The following FMO1 variants were observed in gnomAD, a reference collection of about 807,000 sequenced individuals.
The protein encoded by FMO1 is flavin containing dimethylaniline monoxygenase 1, also known as flavin-containing monooxygenase 1.
FMO1 carries 36 observed loss-of-function variants against 45.4 expected under a neutral mutation model. The observed-to-expected ratio is 0.79, with a 90% CI of 0.61 to 1.05. The LOEUF (loss-of-function observed/expected upper bound fraction) is 1.05. FMO1 is among the 50% of genes least tolerant of loss of function. FMO1 has a pLI of 0.00. For missense variants in FMO1, 615 were observed against 640.3 expected (o/e 0.96, Z 0.43); for synonymous variants, 228 against 227.2 (o/e 1.00, Z -0.03).
At position 171,285,768 on chromosome 1, in the gene FMO1, G is replaced by C. The variant is rs1438786311; in HGVS notation, c.*224G>C. 1 of 359,338 alleles carries C rather than the reference G, an allele frequency of 2.8e-6. No individual in the cohort carries two copies. The highest frequency in any genetic ancestry group is 4.9e-6 in the Non-Finnish European group (1 of 202,480). The allele number at this position is 359,338 out of a possible 1,614,324, so 22.3% of individuals were successfully genotyped here. A position where few individuals can be genotyped will look rare whatever the true frequency, so the allele number is the denominator to read the frequency against. On this transcript the variant is annotated 3_prime_UTR_variant, in exon 9 of 9. Transcript: ENST00000617670. The stretch of plus-strand genomic sequence containing the variant: ...AACTAAGACTTCTGTGCATTTGAAG[G>C]TTGTTGGAAAGTTACAGGTTCATTT...
In FMO1 at chr1:171,280,809, G is replaced by C. The variant is rs751081348; in HGVS notation, c.651G>C (p.Gly217=). The C allele has an allele frequency of 1.2e-6, 2 of 1,613,008 alleles. No homozygotes were observed. The highest frequency in any genetic ancestry group is 8.5e-7 in the Non-Finnish European group (1 of 1,179,770). The change falls in exon 6 of 9, where the codon GGG becomes GGC. Residue 217 remains glycine, a synonymous_variant. Coordinates refer to ENST00000617670, the MANE Select transcript of FMO1 (RefSeq NM_001282693.2). ...AGGTGTTCCTCAGCACCACCGGAGG[G>C]GGATGGGTGATCAGCCGAATCTTTG... is the stretch of plus-strand genomic sequence containing the variant. The part of the protein sequence containing the change: ...AEKVFLSTTG[G]GWVISRIFDS...
chr1:171,253,578 A>G (rs939683915), intron 1 of FMO1, among the ~76,000 whole-genome samples: 2 of 152,122 alleles, frequency 1.3e-5, no homozygotes, highest in Non-Finnish European at 2.9e-5. Context: ...CCTAACCGAC[A>G]TGGAGAAACC....
chr1:171,251,730 T>TAC (rs1262591413), intron 1 of FMO1: 4 of 150,856 alleles, frequency 2.7e-5, no homozygotes, highest in African/African-American at 9.7e-5. Context: ...CCCAGGTGCT[T>TAC]ACAGGCTCCC....
chr1:171,259,498 A>G (rs1660294486), intron 2 of FMO1, among the ~76,000 whole-genome samples: 1 of 152,222 alleles, frequency 6.6e-6, no homozygotes, highest in Admixed American at 6.5e-5. Flanking sequence ...ATTATCAAAC[A>G]TGATGCCTTT....
At chr1:171,250,729 T>C (rs545952624) in intron 1 of FMO1, among the ~76,000 whole-genome samples, 2 of 152,338 alleles carry the variant, frequency 1.3e-5, no homozygotes, top group East Asian at 1.9e-4. Context: ...TTTTTTTCAC[T>C]CAATTTTCAC....
rs573268058 is a variant in FMO1 at position 171,271,517 on chromosome 1, C to T, written c.321+3786C>T. 3 of 884,658 alleles carry T rather than the reference C, an allele frequency of 3.4e-6. No individual in the cohort carries two copies. In the East Asian group the frequency reaches 7.2e-5, roughly 21 times the overall value. 54.8% of individuals were successfully genotyped at this position (884,658 alleles called of 1,614,324 possible). ...CTGGGTGCTGCTTCTTATGCTCTTC[C>T]CGACAAGTTTGCACAAAAAATGCAT... On this transcript the variant is annotated intron_variant, in intron 3 of 8. Transcript: ENST00000617670.
At chr1:171,269,609 C>A (rs1346601927) in intron 3 of FMO1, among the ~76,000 whole-genome samples, 1 of 152,120 alleles carries the variant, frequency 6.6e-6, no homozygotes, top group Non-Finnish European at 1.5e-5. Flanking sequence ...TGTAAAATTA[C>A]AATAACACTA....
At chr1:171,273,152 A>C (rs537591497) in intron 3 of FMO1, among the ~76,000 whole-genome samples, 1 of 152,286 alleles carries the variant, frequency 6.6e-6, no homozygotes, top group Admixed American at 6.5e-5. Context: ...TCCCTGCACA[A>C]GCTCTCTTTT....
chr1:171,262,554 A>G (rs552958256), intron 2 of FMO1, among the ~76,000 whole-genome samples: 35 of 152,340 alleles, frequency 2.3e-4, no homozygotes, highest in African/African-American at 7.2e-4. Flanking sequence ...TGCCTTACAT[A>G]CCACATTTTT....
chr1:171,275,496 G>A lies in FMO1; in HGVS notation c.472G>A (p.Asp158Asn), dbSNP rs1478230173. 2 of 1,609,548 alleles carry A rather than the reference G, an allele frequency of 1.2e-6. No homozygotes were observed. The highest frequency in any genetic ancestry group is 1.7e-6 in the Non-Finnish European group (2 of 1,177,958). Residue 158 changes from aspartate to asparagine, a missense_variant, in exon 4 of 9, where the codon GAT becomes AAT. Coordinates refer to ENST00000617670, the MANE Select transcript of FMO1 (RefSeq NM_001282693.2). ...GFLTNPYLPL[D>N]SFPGINAFKG... The stretch of plus-strand genomic sequence containing the variant: ...TCTTACTAATCCTTATTTGCCACTG[G>A]ATTCCTTTCCAGGTACAGCATTTTC...
intron 2 of FMO1, among the ~76,000 whole-genome samples, chr1:171,266,107 G>T (rs933777498): frequency 5.3e-5 from 8 of 152,048 alleles, no homozygotes; most frequent in African/African-American, 1.9e-4. Context: ...ATGCACTTTT[G>T]GATAACAGTT....
rs375656810 is a variant in FMO1 at position 171,257,986 on chromosome 1, G to A, written c.-6-96G>A. 4.3e-5 allele frequency: 60 copies of A among 1,409,758 alleles called. No individual in the cohort carries two copies. In the African/African-American group the frequency reaches 5.7e-4, roughly 13 times the overall value. 87.3% of individuals were successfully genotyped at this position (1,409,758 alleles called of 1,614,324 possible). A position where few individuals can be genotyped will look rare whatever the true frequency, so the allele number is the denominator to read the frequency against. On this transcript the variant is annotated intron_variant, in intron 1 of 8. Coordinates refer to ENST00000617670, the MANE Select transcript of FMO1 (RefSeq NM_001282693.2). ...ACAGAAGATTCAAACTGAGCAAATC[G>A]CCTAATCTTCCAAATTCTTTTTCCT...
chr1:171,248,884 C>T (rs1659748084), intron 1 of FMO1, among the ~76,000 whole-genome samples: 1 of 150,894 alleles, frequency 6.6e-6, no homozygotes, highest in Non-Finnish European at 1.5e-5. Context: ...CTTCCATGTA[C>T]ACAGGTAAGT....
rs144787685 is a variant in FMO1 at position 171,265,905 on chromosome 1, A to T, written c.133-1638A>T. Among the ~76,000 whole-genome samples the T allele has an allele frequency of 4.5e-3, 692 of 152,344 alleles. 2 individuals carry two copies. The highest frequency in any genetic ancestry group is 6.5e-3 in the Non-Finnish European group (440 of 68,026). ...GGCTCACAGAGGTATGTTGATTGAAATGAGGAAGAGATTTTTAAACCAGTC... is the reference window on the plus strand; with the variant it reads ...GGCTCACAGAGGTATGTTGATTGAATTGAGGAAGAGATTTTTAAACCAGTC... On this transcript the variant is annotated intron_variant, in intron 2 of 8. Transcript: ENST00000617670.
At chr1:171,278,226 G>A (rs1661188281) in intron 4 of FMO1, among the ~76,000 whole-genome samples, 1 of 152,110 alleles carries the variant, frequency 6.6e-6, no homozygotes, top group Non-Finnish European at 1.5e-5. Context: ...GAAACTTTGT[G>A]AATAGGGACA....
chr1:171,250,853 T>G (rs1449363829), intron 1 of FMO1, among the ~76,000 whole-genome samples: 1 of 152,170 alleles, frequency 6.6e-6, no homozygotes, highest in Admixed American at 6.5e-5. Flanking sequence ...AATAATAAAT[T>G]TATCTTAAAA....
At position 171,285,569 on chromosome 1, in the gene FMO1, T is replaced by G. The variant is rs773845176; in HGVS notation, c.*25T>G. On this transcript the variant is annotated 3_prime_UTR_variant, in exon 9 of 9. Transcript: ENST00000617670. ...AGTAAAAGATCTCCTAAATGGAAGA[T>G]GCACAGAGTAGATTTACAATGCTCC... The G allele has an allele frequency of 1.5e-6, 2 of 1,324,596 alleles. No homozygotes were observed. Among genetic ancestry groups the G allele is most frequent in the Non-Finnish European group, 2.1e-6 (2 of 963,940 alleles). The allele number at this position is 1,324,596 out of a possible 1,614,324, so 82.1% of individuals were successfully genotyped here.
At chr1:171,270,772 G>A in intron 3 of FMO1, 3 of 944,444 alleles carry the variant, frequency 3.2e-6, no homozygotes, top group Non-Finnish European at 4.1e-6. Context: ...AACACCACCA[G>A]GAGAGGGCTA....
chr1:171,270,692 A>G, intron 3 of FMO1: 1 of 1,068,868 alleles, frequency 9.4e-7, no homozygotes, highest in Non-Finnish European at 1.1e-6. Flanking sequence ...CACCAACAAG[A>G]ACATGCTTTA....
Sources: allele counts gnomAD v4.1 joint callset (sites outside exome capture counted in the v4.1 genomes callset), GRCh38; gene constraint gnomAD v4.1.1; transcripts MANE v1.5; gene names NCBI Gene and HGNC (gene_info 2026-07-23, HGNC 2026-07-21).